PALM2AKAP2: variants seen among roughly 807,000 people sequenced by gnomAD.
PALM2AKAP2 encodes the protein PALM2-AKAP2 fusion protein.
A neutral mutation model predicts 71.5 loss-of-function variants in PALM2AKAP2; 37 were observed. The ratio of observed to expected loss-of-function variants is 0.52; its 90% CI spans 0.40 to 0.68. The LOEUF is 0.68. PALM2AKAP2 is among the 30% of genes least tolerant of loss of function. The pLI is 0.00. For missense variants in PALM2AKAP2, 1,224 were observed against 1,191.8 expected (o/e 1.03, Z -0.40); for synonymous variants, 468 against 478.8 (o/e 0.98, Z 0.29).
intron 1 of PALM2AKAP2, among the ~76,000 whole-genome samples, chr9:110,128,803 A>G (rs1007364722): frequency 1.3e-5 from 2 of 152,242 alleles, no homozygotes; most frequent in Non-Finnish European, 2.9e-5. Context: ...GCCTGGGCTC[A>G]GGCAGACCTG....
intron 1 of PALM2AKAP2, among the ~76,000 whole-genome samples, chr9:110,111,086 C>CTTTTTTTTTTTTTTTTTTTTTT (rs34958946): frequency 3.8e-4 from 32 of 84,188 alleles, no homozygotes; most frequent in East Asian, 8.2e-4. Flanking sequence ...TTTCTTTCTT[C>CTTTTTTTTTTTTTTTTTTTTTT]TTTTTTTTTT....
chr9:109,661,680 G>A (rs1378251922), intron 1 of PALM2AKAP2, among the ~76,000 whole-genome samples: 1 of 152,170 alleles, frequency 6.6e-6, no homozygotes, highest in African/African-American at 2.4e-5. Context: ...CTTTAAAGTA[G>A]TTTTTCCCAA....
Position 110,136,686 on chromosome 9 carries a change from C to G in PALM2AKAP2, c.716C>G (p.Pro239Arg), listed in dbSNP as rs918021457. The change falls in exon 2 of 4, where the codon CCT (proline) becomes CGT (arginine). Residue 239 changes from proline (P) to arginine (R), a missense_variant. By Grantham distance (103) the Pro-to-Arg change is moderately radical. Coordinates refer to ENST00000374525, the Ensembl canonical transcript of PALM2AKAP2. ...GCGCTGGGGGACAGCCTGCAGGTGC[C>G]TGTCAGCCCCAGCTCCACAACCAGC... 2 of 1,614,088 alleles carry G rather than the reference C, an allele frequency of 1.2e-6. No individual in the cohort carries two copies. Among genetic ancestry groups the G allele is most frequent in the African/African-American group, 2.7e-5 (2 of 74,928 alleles).
intron 1 of PALM2AKAP2, among the ~76,000 whole-genome samples, chr9:109,702,547 A>T (rs1365777315): frequency 1.3e-5 from 2 of 149,104 alleles, no homozygotes; most frequent in Non-Finnish European, 3.0e-5. Flanking sequence ...AACAATGAGA[A>T]CACATGGACA....
intron 1 of PALM2AKAP2, among the ~76,000 whole-genome samples, chr9:110,113,243 C>CT (rs55734110): frequency 2.4e-3 from 336 of 139,704 alleles, no homozygotes; most frequent in African/African-American, 6.7e-3. Flanking sequence ...TTGTTTTTTT[C>CT]TTTTTTTTTT....
At chr9:110,124,945 GAGA>G (rs1356364331) in intron 1 of PALM2AKAP2, among the ~76,000 whole-genome samples, 2 of 152,182 alleles carry the variant, frequency 1.3e-5, no homozygotes, top group Non-Finnish European at 2.9e-5. Flanking sequence ...ATGTATTTCT[GAGA>G]AGATGACAAT....
At position 110,072,359 on chromosome 9, in the gene PALM2AKAP2, G is replaced by T. The variant is rs1052922447; in HGVS notation, c.156+23504G>T. On this transcript the variant is annotated intron_variant, in intron 1 of 3. Coordinates refer to ENST00000374525, the Ensembl canonical transcript of PALM2AKAP2. ...AGGGTGGCAAGGGGCCCATCAGAAT[G>T]GAGCAGTCCCTGATCTATCAGAGGT... 2.0e-5 allele frequency among the ~76,000 whole-genome samples: 3 copies of T among 152,168 alleles called. No homozygotes were observed. In the East Asian group the frequency reaches 5.8e-4, roughly 29 times the overall value.
intron 1 of PALM2AKAP2, among the ~76,000 whole-genome samples, chr9:109,850,873 T>C (rs1000369063): frequency 6.6e-6 from 1 of 152,118 alleles, no homozygotes; most frequent in Non-Finnish European, 1.5e-5. Context: ...CCACCTTGAC[T>C]GACATTAAAA....
chr9:109,905,945 C>T (rs897265232), intron 3 of PALM2AKAP2, among the ~76,000 whole-genome samples: 16 of 152,016 alleles, frequency 1.1e-4, no homozygotes, highest in Non-Finnish European at 1.8e-4. Context: ...GGAAACATAG[C>T]GAAACCCTGT....
chr9:109,859,669 G>T (rs918559551), intron 1 of PALM2AKAP2, among the ~76,000 whole-genome samples: 2 of 152,226 alleles, frequency 1.3e-5, no homozygotes, highest in African/African-American at 4.8e-5. Context: ...TTGAAGAAAA[G>T]AGAAGTTATG....
chr9:110,035,534 G>T (rs7863824), intron 7 of PALM2AKAP2, among the ~76,000 whole-genome samples: 478 of 130,438 alleles, frequency 3.7e-3, no homozygotes, highest in African/African-American at 0.011. Flanking sequence ...AACATATATA[G>T]GATATGTTGT....
intron 1 of PALM2AKAP2, among the ~76,000 whole-genome samples, chr9:109,783,214 G>C (rs912559103): frequency 1.3e-5 from 2 of 152,160 alleles, no homozygotes; most frequent in African/African-American, 4.8e-5. Context: ...CTGGCAGGTA[G>C]CTGTCATTGG....
intron 1 of PALM2AKAP2, among the ~76,000 whole-genome samples, chr9:109,715,023 A>T (rs1383842539): frequency 1.3e-5 from 2 of 152,162 alleles, no homozygotes; most frequent in Non-Finnish European, 2.9e-5. Context: ...CCATCTGGGC[A>T]TCTGCTTTGT....
At chr9:109,803,471 G>A (rs1827489142) in intron 1 of PALM2AKAP2, among the ~76,000 whole-genome samples, 1 of 152,128 alleles carries the variant, frequency 6.6e-6, no homozygotes, top group African/African-American at 2.4e-5. Flanking sequence ...CAAACTAGGA[G>A]CCCTCAAGAT....
chr9:109,643,079 A>G, intron 1 of PALM2AKAP2, among the ~76,000 whole-genome samples: 1 of 151,394 alleles, frequency 6.6e-6, no homozygotes, highest in Non-Finnish European at 1.5e-5. Context: ...AAGAGAAAGA[A>G]AGAAAGAAAG....
At chr9:109,876,163 A>T (rs943186923) in intron 2 of PALM2AKAP2, among the ~76,000 whole-genome samples, 19 of 152,042 alleles carry the variant, frequency 1.2e-4, no homozygotes, top group African/African-American at 4.1e-4. Flanking sequence ...TAATTTTTTT[A>T]TTTCTATTGA....
At chr9:109,991,401 T>C (rs1832478954) in intron 6 of PALM2AKAP2, among the ~76,000 whole-genome samples, 1 of 151,828 alleles carries the variant, frequency 6.6e-6, no homozygotes, top group South Asian at 2.1e-4. Flanking sequence ...CACACCCAGC[T>C]AATTTAAATT....
Position 109,921,582 on chromosome 9 carries a change from G to A in PALM2AKAP2, c.258-2153G>A, listed in dbSNP as rs568460500. On this transcript the variant is annotated intron_variant, in intron 3 of 9. Transcript: ENST00000302798. ...TGTGCTAAGAAATGTTCAGAGGGAA[G>A]CGATGTTATTTCCTGGCAGTGAAAT... 2.1e-4 allele frequency among the ~76,000 whole-genome samples: 32 copies of A among 152,352 alleles called. No homozygotes were observed. The South Asian group carries it at 6.6e-3, about 32-fold the overall frequency.
chr9:109,746,163 C>T (rs531852179), intron 1 of PALM2AKAP2, among the ~76,000 whole-genome samples: 2 of 152,312 alleles, frequency 1.3e-5, no homozygotes, highest in African/African-American at 4.8e-5. Flanking sequence ...ATGACAACCA[C>T]TTAGAGTGAC....
Sources: gnomAD v4.1 joint callset for allele counts (sites outside exome capture counted in the v4.1 genomes callset) on GRCh38, gnomAD v4.1.1 for gene constraint, MANE v1.5 for transcripts, NCBI Gene and HGNC (gene_info 2026-07-23, HGNC 2026-07-21) for gene names.